The following FOXP2 variants were observed in gnomAD, a reference collection of about 807,000 sequenced individuals.
FOXP2 encodes the protein forkhead box P2, also known as forkhead box protein P2.
In FOXP2, 12 loss-of-function variants were observed where a neutral mutation model predicts 115.8. The observed-to-expected ratio is 0.10, with a 90% CI of 0.07 to 0.17. The LOEUF is 0.17. Among genes scored for constraint, FOXP2 ranks in the 10% least tolerant of loss-of-function variants. The pLI, the probability that FOXP2 is intolerant of heterozygous loss-of-function variation, is 1.00. For synonymous variants in FOXP2, 328 were observed against 297.7 expected, an observed-to-expected ratio of 1.10 and a Z score of -1.05; for missense variants, 629 against 843.5, an observed-to-expected ratio of 0.75 and a Z score of 3.15.
At chr7:114,566,771 T>C (rs1005282489) in intron 3 of FOXP2, among the ~76,000 whole-genome samples, 2 of 152,048 alleles carry the variant, frequency 1.3e-5, no homozygotes, top group African/African-American at 2.4e-5. Flanking sequence ...GTTTTAAACA[T>C]GTTAAAGAAA....
At position 114,483,984 on chromosome 7, in the gene FOXP2, C is replaced by T. The variant is rs530247723; in HGVS notation, c.169-50633C>T. Among the ~76,000 whole-genome samples the T allele has an allele frequency of 1.4e-4, 22 of 151,820 alleles. No homozygotes were observed. In the South Asian group the frequency reaches 4.4e-3, roughly 30 times the overall value. On this transcript the variant is annotated intron_variant, in intron 2 of 16. Coordinates refer to ENST00000350908, the MANE Select transcript of FOXP2 (RefSeq NM_014491.4). Reference sequence around the variant, plus strand: ...CATTTTAAATTCCTACTCAATTAAGCTTTAAATGTACTTTACAATTGACAG... The same window carrying T: ...CATTTTAAATTCCTACTCAATTAAGTTTTAAATGTACTTTACAATTGACAG...
chr7:114,318,363 CATG>C (rs1432376963), intron 2 of FOXP2, among the ~76,000 whole-genome samples: 1 of 141,618 alleles, frequency 7.1e-6, no homozygotes, highest in Non-Finnish European at 1.5e-5. Context: ...TTCTACTTAG[CATG>C]ATGTCTCTCT....
At chr7:114,325,678 A>T (rs1311503491) in intron 2 of FOXP2, among the ~76,000 whole-genome samples, 1 of 152,036 alleles carries the variant, frequency 6.6e-6, no homozygotes. Context: ...AAGTTAGAGG[A>T]AATATATGGA....
intron 3 of FOXP2, among the ~76,000 whole-genome samples, chr7:114,550,919 A>G (rs1300245985): frequency 1.3e-5 from 2 of 152,228 alleles, no homozygotes; most frequent in Non-Finnish European, 2.9e-5. Context: ...TGGTTATGTT[A>G]TTTGGCGTTT....
intron 2 of FOXP2, among the ~76,000 whole-genome samples, chr7:114,369,650 A>G (rs773217003): frequency 5.3e-5 from 8 of 152,194 alleles, no homozygotes; most frequent in Non-Finnish European, 1.2e-4. Flanking sequence ...TCTGATAGCT[A>G]CATTATATCA....
chr7:114,154,547 C>T (rs1792611639), intron 1 of FOXP2, among the ~76,000 whole-genome samples: 1 of 151,994 alleles, frequency 6.6e-6, no homozygotes, highest in Admixed American at 6.6e-5. Context: ...CCTTATTTGA[C>T]TCTACAGTTA....
chr7:114,491,408 C>A (rs1456198524), intron 2 of FOXP2, among the ~76,000 whole-genome samples: 3 of 151,732 alleles, frequency 2.0e-5, no homozygotes, highest in East Asian at 1.9e-4. Context: ...GGATATTAGC[C>A]CTTTGTCAGA....
intron 1 of FOXP2, among the ~76,000 whole-genome samples, chr7:114,272,337 T>C (rs978736237): frequency 1.3e-5 from 2 of 151,634 alleles, no homozygotes; most frequent in Non-Finnish European, 3.0e-5. Context: ...GATTAGTCTG[T>C]AGATTTCTTT....
intron 1 of FOXP2, among the ~76,000 whole-genome samples, chr7:114,185,111 T>TAGTG (rs1793558473): frequency 6.6e-6 from 1 of 152,224 alleles, no homozygotes; most frequent in African/African-American, 2.4e-5. Context: ...CTACAACGTA[T>TAGTG]AGTGCTCTTA....
chr7:114,182,612 TTG>T (rs1357042013), intron 1 of FOXP2, among the ~76,000 whole-genome samples: 1 of 151,896 alleles, frequency 6.6e-6, no homozygotes, highest in Non-Finnish European at 1.5e-5. Context: ...ACTATTGTGT[TTG>T]TCTTTTTTTT....
At chr7:114,160,915 T>A (rs80163238), upstream of FOXP2, among the ~76,000 whole-genome samples, 401 of 152,230 alleles carry the variant, frequency 2.6e-3, no homozygotes, top group Non-Finnish European at 4.5e-3. Flanking sequence ...CATACTCCTC[T>A]GACACATCTG....
intron 1 of FOXP2, among the ~76,000 whole-genome samples, chr7:114,285,141 C>A (rs1796435680): frequency 6.6e-6 from 1 of 152,072 alleles, no homozygotes; most frequent in South Asian, 2.1e-4. Flanking sequence ...ATGAAATTAC[C>A]TGCACTGTAC....
chr7:114,181,272 A>T (rs1793446853), intron 1 of FOXP2, among the ~76,000 whole-genome samples: 1 of 82,098 alleles, frequency 1.2e-5, no homozygotes, highest in African/African-American at 2.7e-5. Flanking sequence ...TTATCCTAAT[A>T]AATTAATATA....
chr7:114,463,964 T>A (rs556241363), intron 2 of FOXP2, among the ~76,000 whole-genome samples: 18 of 152,286 alleles, frequency 1.2e-4, no homozygotes, highest in Non-Finnish European at 2.2e-4. Context: ...TATTTTTTTT[T>A]AAATCAGAAA....
intron 3 of FOXP2, among the ~76,000 whole-genome samples, chr7:114,600,305 T>A (rs986870890): frequency 7.2e-5 from 11 of 152,204 alleles, no homozygotes; most frequent in Non-Finnish European, 1.5e-5. Context: ...TTCTTTTACT[T>A]GGCAATGTGC....
chr7:114,207,894 C>T lies in FOXP2; in HGVS notation c.-102+44806C>T, dbSNP rs1045782745. Among the ~76,000 whole-genome samples, 5 of 152,354 alleles carry T rather than the reference C, an allele frequency of 3.3e-5. No homozygotes were observed. In the East Asian group the frequency reaches 5.8e-4, roughly 18 times the overall value. On this transcript the variant is annotated intron_variant, in intron 1 of 17. Transcript: ENST00000634411. ...TAACTGAAAAGGCCAGATATGGTGG[C>T]TCACGCCTATAATCCCAGCATTTTG...
At chr7:114,156,625 A>C (rs1792678829) in intron 1 of FOXP2, among the ~76,000 whole-genome samples, 1 of 152,116 alleles carries the variant, frequency 6.6e-6, no homozygotes, top group African/African-American at 2.4e-5. Flanking sequence ...CAAATGTATA[A>C]AACCAAGCTA....
At chr7:114,232,012 C>CAA (rs202064974) in intron 1 of FOXP2, among the ~76,000 whole-genome samples, 1 of 151,598 alleles carries the variant, frequency 6.6e-6, no homozygotes, top group Non-Finnish European at 1.5e-5. Context: ...ATCTCAGTGG[C>CAA]AAAAAAACAA....
At chr7:114,549,846 C>T (rs1421844295) in intron 3 of FOXP2, among the ~76,000 whole-genome samples, 1 of 151,814 alleles carries the variant, frequency 6.6e-6, no homozygotes, top group African/African-American at 2.4e-5. Context: ...ATGTGGAAAA[C>T]AAATAAAATA....
Sources: allele counts gnomAD v4.1 joint callset (sites outside exome capture counted in the v4.1 genomes callset), GRCh38; gene constraint gnomAD v4.1.1; transcripts MANE v1.5; gene names NCBI Gene and HGNC (gene_info 2026-07-23, HGNC 2026-07-21).